The following COBL variants were observed in gnomAD, a reference collection of about 807,000 sequenced individuals.
The protein encoded by COBL is protein cordon-bleu.
A neutral mutation model predicts 98.8 loss-of-function variants in COBL; 51 were observed. The observed-to-expected ratio is 0.52, with a 90% CI of 0.41 to 0.65. The LOEUF is 0.65. Among genes scored for constraint, COBL ranks in the 30% least tolerant of loss-of-function variants. The pLI, the probability that COBL is intolerant of heterozygous loss-of-function variation, is 0.00. For synonymous variants in COBL, 634 were observed against 651.7 expected (o/e 0.97, Z 0.41); for missense variants, 1,617 against 1,617.5 (o/e 1.00, Z 0.01).
At chr7:51,190,231 A>G (rs1162675094) in intron 4 of COBL, among the ~76,000 whole-genome samples, 7 of 152,086 alleles carry the variant, frequency 4.6e-5, no homozygotes, top group Admixed American at 3.9e-4. Flanking sequence ...TTTTAAAGAG[A>G]CAGGGTCTCA....
Position 51,086,358 on chromosome 7 carries a change from GAAAAAAAAAAAA to G in COBL, c.958-1066_958-1055del, listed in dbSNP as rs57609497. ...GGTGATGTAGCAAGACTGTGTCTCAGAAAAAAAAAAAAAAAAAAAAAAAAAAGAATGAACATG... is the reference window on the plus strand; with the variant it reads ...GGTGATGTAGCAAGACTGTGTCTCAGAAAAAAAAAAAAAAGAATGAACATG... On this transcript the variant is annotated intron_variant, in intron 6 of 12. Coordinates refer to ENST00000265136, the MANE Select transcript of COBL (RefSeq NM_015198.5). Among the ~76,000 whole-genome samples the G allele has an allele frequency of 8.6e-4, 64 of 74,832 alleles. 1 individual carries two copies. The highest frequency in any genetic ancestry group is 2.9e-3 in the African/African-American group (58 of 19,840). 49.1% of individuals were successfully genotyped at this position (74,832 alleles called of 152,430 possible). A position where few individuals can be genotyped will look rare whatever the true frequency, so the allele number is the denominator to read the frequency against.
At chr7:51,262,347 G>A (rs1797796554) in intron 1 of COBL, among the ~76,000 whole-genome samples, 1 of 152,326 alleles carries the variant, frequency 6.6e-6, no homozygotes, top group South Asian at 2.1e-4. Context: ...AAGTGAGGAG[G>A]GAGACCCTGG....
intron 5 of COBL, among the ~76,000 whole-genome samples, chr7:51,146,334 A>G (rs1378709963): frequency 2.0e-5 from 3 of 152,190 alleles, no homozygotes; most frequent in Admixed American, 1.3e-4. Context: ...ACCTCCTTTT[A>G]GAATTGCTGC....
chr7:51,081,121 C>T (rs1449128770), intron 7 of COBL, among the ~76,000 whole-genome samples: 1 of 152,088 alleles, frequency 6.6e-6, no homozygotes, highest in Non-Finnish European at 1.5e-5. Flanking sequence ...GGAGGGGAGA[C>T]TCTGAGTCCC....
At chr7:51,091,709 C>A (rs1000824077) in intron 6 of COBL, among the ~76,000 whole-genome samples, 2 of 152,070 alleles carry the variant, frequency 1.3e-5, no homozygotes, top group Non-Finnish European at 2.9e-5. Context: ...CCAAAGAGGA[C>A]CATACCACAA....
intron 6 of COBL, among the ~76,000 whole-genome samples, chr7:51,109,815 G>A (rs1281182651): frequency 3.3e-5 from 5 of 152,176 alleles, no homozygotes; most frequent in African/African-American, 1.2e-4. Context: ...CATCATGTTA[G>A]TAGTGCCACC....
chr7:51,235,376 G>A (rs1156526703), intron 1 of COBL, among the ~76,000 whole-genome samples: 1 of 152,146 alleles, frequency 6.6e-6, no homozygotes, highest in Non-Finnish European at 1.5e-5. Flanking sequence ...GATCTGAAGG[G>A]ACTGTGTGAT....
At chr7:51,071,174 T>TG (rs1303336998) in intron 7 of COBL, 3 of 152,044 alleles carry the variant, frequency 2.0e-5, no homozygotes, top group Non-Finnish European at 2.9e-5. Context: ...TATGACATGA[T>TG]GGAAAAAAGA....
intron 1 of COBL, among the ~76,000 whole-genome samples, chr7:51,255,067 A>G (rs1310431929): frequency 6.6e-6 from 1 of 152,234 alleles, no homozygotes; most frequent in Non-Finnish European, 1.5e-5. Context: ...CACACTAAAC[A>G]CTAAATCACA....
Position 51,262,738 on chromosome 7 carries a change from T to A in COBL, c.42-42794A>T, listed in dbSNP as rs369753747. 2.8e-4 allele frequency among the ~76,000 whole-genome samples: 42 copies of A among 152,312 alleles called. 2 individuals carry two copies. Among genetic ancestry groups the A allele is most frequent in the East Asian group, 2.7e-3 (14 of 5,172 alleles). ...TATTAAAGCATGAACCAGGGGCCGG[T>A]TGGTCCCAGGGCAGTCTCAGTGGCT... On this transcript the variant is annotated intron_variant, in intron 1 of 12. Transcript: ENST00000265136.
intron 1 of COBL, among the ~76,000 whole-genome samples, chr7:51,268,107 C>T (rs919738472): frequency 1.3e-5 from 2 of 152,124 alleles, no homozygotes; most frequent in Non-Finnish European, 2.9e-5. Context: ...GTGTCCGCTG[C>T]GGGTGTCCTC....
At chr7:51,237,011 G>C (rs1227471611) in intron 1 of COBL, among the ~76,000 whole-genome samples, 2 of 152,158 alleles carry the variant, frequency 1.3e-5, no homozygotes, top group Non-Finnish European at 2.9e-5. Context: ...GCACTGGACT[G>C]GCCTGAGGAA....
At chr7:51,253,243 A>ATAAT (rs1315955684) in intron 1 of COBL, among the ~76,000 whole-genome samples, 1 of 152,028 alleles carries the variant, frequency 6.6e-6, no homozygotes, top group African/African-American at 2.4e-5. Context: ...AAATAAATAA[A>ATAAT]ATGCATTATT....
In COBL at chr7:51,207,593, C is replaced by A. The variant is rs528504941; in HGVS notation, c.245+12148G>T. ...TGCAGGCAAGCGCCACCACACCTGA[C>A]TGGTTTTCGTATTTTTTTGGTGGAG... On this transcript the variant is annotated intron_variant, in intron 2 of 12. Coordinates refer to ENST00000265136, the MANE Select transcript of COBL (RefSeq NM_015198.5). Among the ~76,000 whole-genome samples, 8 of 151,384 alleles carry A rather than the reference C, an allele frequency of 5.3e-5. No homozygotes were observed. In the East Asian group the frequency reaches 1.5e-3, roughly 29 times the overall value.
chr7:51,040,032 A>AC (rs1789017113), intron 8 of COBL, among the ~76,000 whole-genome samples: 1 of 151,992 alleles, frequency 6.6e-6, no homozygotes, highest in Non-Finnish European at 1.5e-5. Context: ...CCCCTGCCTT[A>AC]CCCCTAAAGC....
intron 4 of COBL, among the ~76,000 whole-genome samples, chr7:51,188,635 G>A (rs1789782449): frequency 6.6e-6 from 1 of 152,198 alleles, no homozygotes; most frequent in Admixed American, 6.5e-5. Flanking sequence ...GTAGAGAGGG[G>A]GACTTGGAGG....
chr7:51,128,713 C>G (rs544819956), intron 6 of COBL, among the ~76,000 whole-genome samples: 39 of 152,120 alleles, frequency 2.6e-4, no homozygotes, highest in African/African-American at 9.1e-4. Context: ...CTGTGCCCCT[C>G]AAGCCCCTCA....
chr7:51,100,245 T>G (rs936530085), intron 6 of COBL, among the ~76,000 whole-genome samples: 1 of 152,242 alleles, frequency 6.6e-6, no homozygotes, highest in African/African-American at 2.4e-5. Context: ...TGAGAGACTT[T>G]GTTAAATGCC....
At position 51,025,121 on chromosome 7, in the gene COBL, C is replaced by T. The variant is rs750121789; in HGVS notation, c.3756G>A (p.Ala1252=). ...CAGTCGCCATCACCTTTCTCAGTCT[C>T]GCAGCCCCTGTGCCGGAGCGGATGG... ...MDAIRSGTGA[A]RLRKVPLLV Residue 1252 remains alanine, a synonymous_variant, in exon 12 of 13, where the codon GCG becomes GCA. Coordinates refer to ENST00000265136, the MANE Select transcript of COBL (RefSeq NM_015198.5). 21 of 1,611,828 alleles carry T rather than the reference C, an allele frequency of 1.3e-5. No individual in the cohort carries two copies. The Admixed American group carries it at 1.3e-4, about 10-fold the overall frequency.
Sources: allele counts gnomAD v4.1 joint callset (sites outside exome capture counted in the v4.1 genomes callset), GRCh38; gene constraint gnomAD v4.1.1; transcripts MANE v1.5; gene names NCBI Gene and HGNC (gene_info 2026-07-23, HGNC 2026-07-21).